SMAD7: variants seen among roughly 807,000 people sequenced by gnomAD.
SMAD7 encodes the protein MAD (mothers against decapentaplegic, Drosophila) homolog 7.
A neutral mutation model predicts 38.7 loss-of-function variants in SMAD7; 8 were observed. That is an observed-to-expected ratio of 0.21 (90% confidence interval 0.12 to 0.37). The LOEUF is 0.37. SMAD7 is among the 10% of genes least tolerant of loss of function. The probability of loss-of-function intolerance (pLI) is 1.00; values close to 1 mark genes in which losing one functional copy is unlikely to be tolerated. For synonymous variants in SMAD7, 327 were observed against 265.1 expected (o/e 1.23, Z -2.27); for missense variants, 477 against 577.9 (o/e 0.83, Z 1.79).
chr18:48,937,083 T>TA (rs1191578267), intron 3 of SMAD7, among the ~76,000 whole-genome samples: 123 of 141,840 alleles, frequency 8.7e-4, no homozygotes, highest in South Asian at 2.2e-3. Context: ...CATCTCGAAT[T>TA]AAAAAAAAAA....
intron 3 of SMAD7, among the ~76,000 whole-genome samples, chr18:48,925,230 C>A (rs1357648756): frequency 6.6e-6 from 1 of 152,220 alleles, no homozygotes; most frequent in African/African-American, 2.4e-5. Flanking sequence ...CCACAAACTT[C>A]TCCCCCTCCC....
intron 3 of SMAD7, among the ~76,000 whole-genome samples, chr18:48,931,761 A>G (rs2070003433): frequency 6.6e-6 from 1 of 152,270 alleles, no homozygotes. Context: ...TGGCTCCTGC[A>G]AGGCCATGTG....
At chr18:48,940,924 C>T (rs920627302) in intron 3 of SMAD7, among the ~76,000 whole-genome samples, 4 of 152,094 alleles carry the variant, frequency 2.6e-5, no homozygotes, top group South Asian at 4.1e-4. Flanking sequence ...TCATTTCCTC[C>T]GGCAGGGGAG....
At chr18:48,931,057 G>T (rs574078103) in intron 3 of SMAD7, among the ~76,000 whole-genome samples, 1 of 152,162 alleles carries the variant, frequency 6.6e-6, no homozygotes, top group Non-Finnish European at 1.5e-5. Context: ...GAAATAAGCC[G>T]ATCACAAAAG....
At chr18:48,948,323 G>A (rs376770469) in intron 2 of SMAD7, 61 bp downstream of exon 2, 49 of 1,247,902 alleles carry the variant, frequency 3.9e-5, no homozygotes, top group East Asian at 2.6e-4. Flanking sequence ...AAAAAGCCAC[G>A]TTCTAGAGGC....
Position 48,921,209 on chromosome 18 carries a change from A to G in SMAD7, c.*163T>C. The G allele has an allele frequency of 1.6e-6, 1 of 640,740 alleles. No individual in the cohort carries two copies. The highest frequency in any genetic ancestry group is 2.1e-5 in the South Asian group (1 of 46,888). The allele number at this position is 640,740 out of a possible 1,614,324, so 39.7% of individuals were successfully genotyped here. Reference sequence around the variant, plus strand: ...GCTATTTCTCAAAGAGCGAAACAAAACAGAACACAAACGAGGACGAGAAGA... The same window carrying G: ...GCTATTTCTCAAAGAGCGAAACAAAGCAGAACACAAACGAGGACGAGAAGA... On this transcript the variant is annotated 3_prime_UTR_variant, in exon 4 of 4. Transcript: ENST00000262158. The surrounding 1 kb of genome is among the most constrained non-coding windows in gnomAD (Gnocchi z 6.4).
intron 2 of SMAD7, 73 bp from the exon 3 acceptor site, chr18:48,942,628 C>T (rs1453373273): frequency 1.2e-6 from 2 of 1,606,134 alleles, no homozygotes; most frequent in Admixed American, 1.7e-5. Context: ...TTTAAGCACG[C>T]TCTAAACAGC....
At chr18:48,949,407 A>C in intron 1 of SMAD7, 1 of 355,270 alleles carries the variant, frequency 2.8e-6, no homozygotes, top group Non-Finnish European at 3.9e-6. Flanking sequence ...GCCTGGACCA[A>C]ATCCAACTCG....
intron 3 of SMAD7, among the ~76,000 whole-genome samples, chr18:48,933,971 CTCTT>C (rs914623007): frequency 3.3e-5 from 5 of 152,218 alleles, no homozygotes; most frequent in African/African-American, 4.8e-5. Context: ...ACACACAGGT[CTCTT>C]TCTTTCTGGT....
intron 2 of SMAD7, among the ~76,000 whole-genome samples, chr18:48,947,360 T>C (rs1253101177): frequency 6.6e-6 from 1 of 152,188 alleles, no homozygotes; most frequent in Non-Finnish European, 1.5e-5. Context: ...AACTTTTAAT[T>C]AGTGGGGGGA....
chr18:48,921,482 T>C lies in SMAD7; in HGVS notation c.1171A>G (p.Thr391Ala), dbSNP rs1218370358. The change falls in exon 4 of 4, where the codon ACG becomes GCG. Residue 391 changes from threonine (T) to alanine (A), a missense_variant. Coordinates refer to ENST00000262158, the MANE Select transcript of SMAD7 (RefSeq NM_005904.4). This position sits in a 1 kb window ranked among gnomAD's most constrained non-coding sequence, Gnocchi z 6.4. ...NDHEFMQQPW[T>A]GFTVQISFVK... ...AAGCTGATCTGCACGGTAAAGCCCGTCCACGGCTGCTGCATAAACTCGTGG... is the reference window on the plus strand; with the variant it reads ...AAGCTGATCTGCACGGTAAAGCCCGCCCACGGCTGCTGCATAAACTCGTGG... The C allele has an allele frequency of 6.2e-7, 1 of 1,614,200 alleles. No individual in the cohort carries two copies. Among genetic ancestry groups the C allele is most frequent in the Non-Finnish European group, 8.5e-7 (1 of 1,180,038 alleles).
At chr18:48,946,430 C>A (rs188284388) in intron 2 of SMAD7, among the ~76,000 whole-genome samples, 1 of 145,904 alleles carries the variant, frequency 6.9e-6, no homozygotes, top group East Asian at 2.0e-4. Context: ...GTGAGGGGGG[C>A]GGGGGGGGTG....
At chr18:48,948,073 T>A (rs2070216449) in intron 2 of SMAD7, among the ~76,000 whole-genome samples, 2 of 152,136 alleles carry the variant, frequency 1.3e-5, no homozygotes, top group South Asian at 4.1e-4. Context: ...CATCAACCAG[T>A]CCTATTTGGT....
At chr18:48,946,119 C>A (rs2143817103) in intron 2 of SMAD7, among the ~76,000 whole-genome samples, 1 of 152,304 alleles carries the variant, frequency 6.6e-6, no homozygotes, top group East Asian at 1.9e-4. Context: ...GCCCCAGCCC[C>A]ATTCCCACCA....
intron 3 of SMAD7, among the ~76,000 whole-genome samples, chr18:48,931,007 C>T (rs59223542): frequency 6.6e-6 from 1 of 152,036 alleles, no homozygotes. Flanking sequence ...TTCTGACATA[C>T]GCTAGAGTAT....
intron 3 of SMAD7, among the ~76,000 whole-genome samples, chr18:48,934,338 G>C (rs143213638): frequency 6.6e-6 from 1 of 152,040 alleles, no homozygotes; most frequent in South Asian, 2.1e-4. Context: ...TTGAAAACAC[G>C]AAGGCAGCCC....
intron 3 of SMAD7, among the ~76,000 whole-genome samples, chr18:48,922,733 T>A (rs925636351): frequency 1.3e-5 from 2 of 151,834 alleles, no homozygotes; most frequent in Admixed American, 1.3e-4. Context: ...GTCCCCCTTC[T>A]CCCCTTCTCT....
Position 48,930,506 on chromosome 18 carries a change from C to T in SMAD7, c.743-8596G>A, listed in dbSNP as rs569544951. Among the ~76,000 whole-genome samples the T allele has an allele frequency of 1.1e-4, 17 of 152,330 alleles. 1 individual carries two copies. In the South Asian group the frequency reaches 3.5e-3, roughly 32 times the overall value. ...CAGCTGCTCTGTGCTGGGTGCCCCA[C>T]CTTTCAGAGCCTCCAGGCCTCCCAT... On this transcript the variant is annotated intron_variant, in intron 3 of 3. Coordinates refer to ENST00000262158, the MANE Select transcript of SMAD7 (RefSeq NM_005904.4).
chr18:48,948,931 T>C (rs1480408332), intron 1 of SMAD7, among the ~76,000 whole-genome samples: 2 of 152,140 alleles, frequency 1.3e-5, no homozygotes, highest in African/African-American at 4.8e-5. Flanking sequence ...CTGGGGAACG[T>C]GGGGGATCTG....
Sources: allele counts gnomAD v4.1 joint callset (sites outside exome capture counted in the v4.1 genomes callset), GRCh38; gene constraint gnomAD v4.1.1; non-coding constraint Gnocchi (gnomAD v3.1); transcripts MANE v1.5; gene names NCBI Gene and HGNC (gene_info 2026-07-23, HGNC 2026-07-21).